The following DOCK3 variants were observed in gnomAD, a reference collection of about 807,000 sequenced individuals.
The protein encoded by DOCK3 is dedicator of cytokinesis 3, also known as dedicator of cytokinesis protein 3.
A neutral mutation model predicts 265.6 loss-of-function variants in DOCK3; 60 were observed. The observed-to-expected ratio is 0.23, with a 90% CI of 0.18 to 0.28. The LOEUF (loss-of-function observed/expected upper bound fraction) is 0.28. DOCK3 is among the 10% of genes least tolerant of loss of function. The pLI is 1.00. For synonymous variants in DOCK3, 881 were observed against 938.0 expected (o/e 0.94, Z 1.11); for missense variants, 1,981 against 2,594.3 (o/e 0.76, Z 5.14).
intron 5 of DOCK3, among the ~76,000 whole-genome samples, chr3:50,946,085 C>T (rs1365737483): frequency 2.3e-5 from 3 of 128,080 alleles, no homozygotes; most frequent in Non-Finnish European, 4.9e-5. Context: ...AGAGTGAAAC[C>T]CCATCTCTTA....
intron 9 of DOCK3, 63 bp downstream of exon 9, chr3:51,090,447 C>G: frequency 6.8e-7 from 1 of 1,478,788 alleles, no homozygotes; most frequent in Non-Finnish European, 9.1e-7. Flanking sequence ...ATAGGCATCT[C>G]TGGCCATCAG....
At chr3:51,043,039 A>G (rs528868435) in intron 5 of DOCK3, among the ~76,000 whole-genome samples, 3 of 152,230 alleles carry the variant, frequency 2.0e-5, no homozygotes, top group Non-Finnish European at 4.4e-5. Context: ...TATAGATTCA[A>G]TGCTAGTCCA....
rs138826201 is a variant in DOCK3 at position 51,273,079 on chromosome 3, G to A, written c.2549-2000G>A. Among the ~76,000 whole-genome samples, 7 of 151,304 alleles carry A rather than the reference G, an allele frequency of 4.6e-5. No homozygotes were observed. In the East Asian group the frequency reaches 5.9e-4, roughly 13 times the overall value. On this transcript the variant is annotated intron_variant, in intron 24 of 52. Coordinates refer to ENST00000266037, the MANE Select transcript of DOCK3 (RefSeq NM_004947.5). ...CAGGAAGCTGAGGCAGGAGAATGGC[G>A]TGAACCCAGGAGGCAGAATTTGCAG...
intron 4 of DOCK3, among the ~76,000 whole-genome samples, chr3:50,913,846 G>A (rs2049985118): frequency 6.6e-6 from 1 of 152,032 alleles, no homozygotes; most frequent in African/African-American, 2.4e-5. Context: ...ATTCACGATT[G>A]TTTTTTATAC....
chr3:50,975,506 G>A (rs2077412953), intron 5 of DOCK3, among the ~76,000 whole-genome samples: 1 of 151,132 alleles, frequency 6.6e-6, no homozygotes, highest in African/African-American at 2.4e-5. Flanking sequence ...TGATCATGGT[G>A]GATAAGCTTT....
intron 12 of DOCK3, among the ~76,000 whole-genome samples, chr3:51,179,727 A>C (rs2087168086): frequency 6.6e-6 from 1 of 152,028 alleles, no homozygotes; most frequent in African/African-American, 2.4e-5. Context: ...CCTGGGCAAC[A>C]TAGTGAGGAT....
At chr3:51,370,289 C>T (rs577457325) in intron 49 of DOCK3, among the ~76,000 whole-genome samples, 3 of 152,276 alleles carry the variant, frequency 2.0e-5, no homozygotes, top group East Asian at 1.9e-4. Flanking sequence ...TAACCTAAAG[C>T]GTCTCTAAGA....
In DOCK3 at chr3:50,698,517, G is replaced by GTTTTTTTTTTTTTTTTTTTTT; in HGVS notation, c.37+23222_37+23242dup. ...GTTTCTCTGTGGATGTATGTTTTTG[G>GTTTTTTTTTTTTTTTTTTTTT]TTTTTTTTTTTTTTTTTTTTTTTTT... On this transcript the variant is annotated intron_variant, in intron 1 of 52. Coordinates refer to ENST00000266037, the MANE Select transcript of DOCK3 (RefSeq NM_004947.5). Among the ~76,000 whole-genome samples the GTTTTTTTTTTTTTTTTTTTTT allele has an allele frequency of 7.9e-3, 155 of 19,514 alleles. 61 individuals carry two copies. The highest frequency in any genetic ancestry group is 0.013 in the Non-Finnish European group (108 of 8,462). The allele number at this position is 19,514 out of a possible 152,430, so 12.8% of individuals were successfully genotyped here. A position where few individuals can be genotyped will look rare whatever the true frequency, so the allele number is the denominator to read the frequency against.
chr3:50,708,216 A>T (rs1027978400), intron 1 of DOCK3, among the ~76,000 whole-genome samples: 3 of 152,098 alleles, frequency 2.0e-5, no homozygotes, highest in Non-Finnish European at 4.4e-5. Context: ...GGCACCCTAA[A>T]GGCCCTTGGG....
At chr3:51,367,401 G>A (rs988853878) in intron 49 of DOCK3, among the ~76,000 whole-genome samples, 3 of 152,056 alleles carry the variant, frequency 2.0e-5, no homozygotes, top group Non-Finnish European at 4.4e-5. Flanking sequence ...TTTGAGATGG[G>A]TCTCCTGAAT....
chr3:50,993,215 TG>T (rs1426459381), intron 5 of DOCK3, among the ~76,000 whole-genome samples: 1 of 152,194 alleles, frequency 6.6e-6, no homozygotes, highest in Admixed American at 6.5e-5. Context: ...TCTGTCCCCT[TG>T]GCTAAAAGAG....
chr3:50,892,682 A>C (rs1054528593), intron 4 of DOCK3, among the ~76,000 whole-genome samples: 1 of 152,100 alleles, frequency 6.6e-6, no homozygotes, highest in Non-Finnish European at 1.5e-5. Context: ...CTAAGAACAA[A>C]GAAAAGGAGT....
chr3:50,713,823 A>G (rs532882521), intron 1 of DOCK3, among the ~76,000 whole-genome samples: 19 of 152,204 alleles, frequency 1.2e-4, no homozygotes, highest in Admixed American at 9.8e-4. Flanking sequence ...GGCTCAATAA[A>G]TGATGTTAGT....
At chr3:50,969,946 C>A (rs2077147874) in intron 5 of DOCK3, among the ~76,000 whole-genome samples, 1 of 152,210 alleles carries the variant, frequency 6.6e-6, no homozygotes. Flanking sequence ...GTGGCGGGCG[C>A]CTGTAGTCCC....
intron 9 of DOCK3, among the ~76,000 whole-genome samples, chr3:51,091,961 T>G (rs1041136808): frequency 6.6e-6 from 1 of 152,102 alleles, no homozygotes; most frequent in Non-Finnish European, 1.5e-5. Flanking sequence ...CCTGACGAAC[T>G]GTGCACTCTG....
intron 19 of DOCK3, among the ~76,000 whole-genome samples, chr3:51,230,806 C>T (rs376042110): frequency 6.6e-6 from 1 of 152,134 alleles, no homozygotes; most frequent in African/African-American, 2.4e-5. Flanking sequence ...TGAGCCACCG[C>T]GCCCGACCTA....
At chr3:50,745,460 G>A (rs888763132) in intron 1 of DOCK3, among the ~76,000 whole-genome samples, 2 of 152,202 alleles carry the variant, frequency 1.3e-5, no homozygotes, top group African/African-American at 4.8e-5. Context: ...ACTAAGTAAT[G>A]TTTTGTAGCT....
At chr3:51,102,611 A>G (rs1158175484) in intron 9 of DOCK3, among the ~76,000 whole-genome samples, 1 of 152,174 alleles carries the variant, frequency 6.6e-6, no homozygotes, top group Non-Finnish European at 1.5e-5. Flanking sequence ...GGTAACTAGA[A>G]ATCAGCTACA....
intron 1 of DOCK3, among the ~76,000 whole-genome samples, chr3:50,695,208 C>T (rs750375333): frequency 3.3e-5 from 5 of 152,180 alleles, no homozygotes; most frequent in Admixed American, 6.5e-5. Context: ...AAGATTTCAC[C>T]ATTTCTGTAA....
Sources: gnomAD v4.1 joint callset for allele counts (sites outside exome capture counted in the v4.1 genomes callset) on GRCh38, gnomAD v4.1.1 for gene constraint, MANE v1.5 for transcripts, NCBI Gene and HGNC (gene_info 2026-07-23, HGNC 2026-07-21) for gene names.